The following ARHGAP23 variants were observed in gnomAD, a reference collection of about 807,000 sequenced individuals.
ARHGAP23 encodes the protein Rho GTPase activating protein 23, also known as rho GTPase-activating protein 23.
ARHGAP23 carries 34 observed loss-of-function variants against 136.3 expected under a neutral mutation model. The observed-to-expected ratio is 0.25, with a 90% confidence interval of 0.19 to 0.33. ARHGAP23 has a LOEUF of 0.33. Among genes scored for constraint, ARHGAP23 ranks in the 10% least tolerant of loss-of-function variants. The pLI is 1.00. For synonymous variants in ARHGAP23, 832 were observed against 920.5 expected (o/e 0.90, Z 1.74); for missense variants, 1,808 against 2,139.0 (o/e 0.85, Z 3.05).
At chr17:38,437,471 G>A (rs184563851) in intron 1 of ARHGAP23, among the ~76,000 whole-genome samples, 6 of 152,106 alleles carry the variant, frequency 3.9e-5, no homozygotes, top group Admixed American at 2.0e-4. Flanking sequence ...TAAAAAATTA[G>A]CCAGGTGTGG....
intron 1 of ARHGAP23, among the ~76,000 whole-genome samples, chr17:38,443,292 G>A (rs941724903): frequency 3.3e-5 from 5 of 152,208 alleles, no homozygotes; most frequent in African/African-American, 1.2e-4. Context: ...TGGGTGCTGG[G>A]TGCTACCTTC....
intron 22 of ARHGAP23, chr17:38,500,209 G>A (rs1368153766): frequency 4.0e-6 from 1 of 252,546 alleles, no homozygotes; most frequent in African/African-American, 2.2e-5. Context: ...GTGTTTCACT[G>A]TGGTGGTTTC....
At chr17:38,430,232 T>G (rs7213637) in intron 1 of ARHGAP23, among the ~76,000 whole-genome samples, 1 of 151,884 alleles carries the variant, frequency 6.6e-6, no homozygotes, top group Non-Finnish European at 1.5e-5. Context: ...TCTGAGCCTA[T>G]GTAGTGACAG....
At chr17:38,480,396 G>A (rs978646626) in intron 14 of ARHGAP23, among the ~76,000 whole-genome samples, 22 of 152,320 alleles carry the variant, frequency 1.4e-4, no homozygotes, top group African/African-American at 5.3e-4. Flanking sequence ...CACTTTGGGA[G>A]GCCGAGGTGG....
At chr17:38,504,818 G>T (rs975672652) in intron 23 of ARHGAP23, among the ~76,000 whole-genome samples, 2 of 151,932 alleles carry the variant, frequency 1.3e-5, no homozygotes, top group African/African-American at 4.8e-5. Context: ...CACCCAGGCG[G>T]CGTCGGTGCC....
At chr17:38,470,192 G>A (rs1003513050) in intron 10 of ARHGAP23, among the ~76,000 whole-genome samples, 2 of 151,288 alleles carry the variant, frequency 1.3e-5, no homozygotes, top group Non-Finnish European at 2.9e-5. Context: ...CTGTCTTCGC[G>A]GCTTTTTAGG....
chr17:38,481,431 G>A (rs925723993), intron 14 of ARHGAP23, among the ~76,000 whole-genome samples: 3 of 152,148 alleles, frequency 2.0e-5, no homozygotes, highest in Admixed American at 6.5e-5. Context: ...ACAGGCGTAA[G>A]CCACCGCGCC....
At chr17:38,500,416 T>C (rs1174253464) in intron 22 of ARHGAP23, 181 bp from the exon 23 acceptor site, 1 of 597,682 alleles carries the variant, frequency 1.7e-6, no homozygotes, top group African/African-American at 1.9e-5. Context: ...CATTTTCTCC[T>C]CCATCCCTCT....
intron 6 of ARHGAP23, among the ~76,000 whole-genome samples, chr17:38,464,634 C>G (rs1164042688): frequency 1.3e-5 from 2 of 152,236 alleles, no homozygotes; most frequent in Non-Finnish European, 2.9e-5. Context: ...TCTCAAGGCC[C>G]TGCCTGTACA....
intron 23 of ARHGAP23, among the ~76,000 whole-genome samples, chr17:38,504,959 C>T (rs2040597869): frequency 8.3e-6 from 1 of 120,512 alleles, no homozygotes; most frequent in Admixed American, 1.0e-4. Flanking sequence ...GTTCATTACT[C>T]AGAAGCCTCC....
chr17:38,460,062 T>A (rs1266913657), intron 2 of ARHGAP23, among the ~76,000 whole-genome samples: 1 of 152,188 alleles, frequency 6.6e-6, no homozygotes, highest in Non-Finnish European at 1.5e-5. Context: ...GAGATGACGC[T>A]GAAGGTCTGA....
At chr17:38,421,705 C>T (rs976725558) in intron 1 of ARHGAP23, among the ~76,000 whole-genome samples, 6 of 152,234 alleles carry the variant, frequency 3.9e-5, no homozygotes, top group Non-Finnish European at 2.9e-5. Context: ...GGGCTTGCCC[C>T]ACTGTGGTCA....
intron 1 of ARHGAP23, among the ~76,000 whole-genome samples, chr17:38,436,659 G>C (rs1034225244): frequency 2.0e-5 from 3 of 152,202 alleles, no homozygotes; most frequent in Admixed American, 6.5e-5. Context: ...CCAAAAGCCA[G>C]ACAAAAAGTC....
upstream of ARHGAP23, among the ~76,000 whole-genome samples, chr17:38,426,314 G>A (rs2038568885): frequency 1.3e-5 from 2 of 151,878 alleles, no homozygotes; most frequent in African/African-American, 4.8e-5. Flanking sequence ...AGGCCGAGGA[G>A]GGTGGATTAC....
chr17:38,486,158 G>A lies in ARHGAP23; in HGVS notation c.2986+18G>A. On this transcript the variant is annotated intron_variant, in intron 17 of 23. Transcript: ENST00000622683. The stretch of plus-strand genomic sequence containing the variant: ...CACTGATGGTGAGTAGGAGGTGGAA[G>A]TGGGGCGGGGAGGGGACACCAGTCC... 6.5e-7 allele frequency: 1 copy of A among 1,548,800 alleles called. No individual in the cohort carries two copies. The highest frequency in any genetic ancestry group is 8.7e-7 in the Non-Finnish European group (1 of 1,144,558).
chr17:38,439,278 C>G (rs1427039828), intron 1 of ARHGAP23, among the ~76,000 whole-genome samples: 2 of 152,110 alleles, frequency 1.3e-5, no homozygotes, highest in Non-Finnish European at 2.9e-5. Flanking sequence ...TCTGCCTTTT[C>G]CATTTCTCCA....
intron 11 of ARHGAP23, among the ~76,000 whole-genome samples, chr17:38,474,674 T>A (rs11649863): frequency 0.25 from 37,577 of 152,068 alleles, 5,841 homozygotes; most frequent in African/African-American, 0.43. Flanking sequence ...GGCCTTTGTC[T>A]GTCAGCACCG....
intron 20 of ARHGAP23, among the ~76,000 whole-genome samples, chr17:38,496,089 G>C (rs1324900678): frequency 6.6e-6 from 1 of 151,914 alleles, no homozygotes; most frequent in African/African-American, 2.4e-5. Flanking sequence ...GTAGAGATGG[G>C]GTTTCACCAT....
intron 1 of ARHGAP23, among the ~76,000 whole-genome samples, chr17:38,433,372 T>TA (rs34265242): frequency 5.9e-5 from 9 of 152,012 alleles, no homozygotes; most frequent in Non-Finnish European, 1.0e-4. Context: ...CAACTATTAT[T>TA]AAAAAAAATC....
Sources: gnomAD v4.1 joint callset for allele counts (sites outside exome capture counted in the v4.1 genomes callset) on GRCh38, gnomAD v4.1.1 for gene constraint, MANE v1.5 for transcripts, NCBI Gene and HGNC (gene_info 2026-07-23, HGNC 2026-07-21) for gene names.